C1orf141: variants seen among roughly 807,000 people sequenced by gnomAD.
C1orf141 encodes chromosome 1 open reading frame 141, also known as uncharacterized protein C1orf141.
C1orf141 carries 19 observed loss-of-function variants against 23.2 expected under a neutral mutation model. The ratio of observed to expected loss-of-function variants is 0.82; its 90% confidence interval spans 0.57 to 1.20. The LOEUF (loss-of-function observed/expected upper bound fraction) is 1.20. Among genes scored for constraint, C1orf141 ranks in the 50% most tolerant of loss-of-function variants. C1orf141 has a pLI of 0.00. For synonymous variants in C1orf141, 153 were observed against 154.6 expected (o/e 0.99, Z 0.08); for missense variants, 469 against 455.1 (o/e 1.03, Z -0.28).
rs1296118207 is a variant in C1orf141 at position 67,095,353 on chromosome 1, C to T, written c.485G>A (p.Ser162Asn). The T allele has an allele frequency of 4.4e-6, 7 of 1,575,074 alleles. No homozygotes were observed. Among genetic ancestry groups the T allele is most frequent in the Non-Finnish European group, 6.1e-6 (7 of 1,153,698 alleles). ...TTTCTTTCTTACTGACCTATACTTA[C>T]TTAATTGATAATTTCTGACCGATTT... ...ENKSVRNYQLSKYRSVRKKSL... is the reference protein window; with the variant it reads ...ENKSVRNYQLNKYRSVRKKSL... Residue 162 changes from serine to asparagine, a missense_variant, in exon 7 of 8, where the codon AGT becomes AAT. This residue lies in a region of C1orf141 where 370 missense variants were observed against 348.1 expected (regional missense o/e 1.06). Coordinates refer to ENST00000684719, the MANE Select transcript of C1orf141 (RefSeq NM_001276351.2).
intron 4 of C1orf141, among the ~76,000 whole-genome samples, chr1:67,124,506 A>G (rs112831245): frequency 6.6e-6 from 1 of 152,054 alleles, no homozygotes; most frequent in Non-Finnish European, 1.5e-5. Flanking sequence ...TTTAGTAGAG[A>G]CAGGGTTTCA....
chr1:67,115,417 T>A lies in C1orf141; in HGVS notation c.281A>T (p.Glu94Val). 6.6e-7 allele frequency: 1 copy of A among 1,510,382 alleles called. No individual in the cohort carries two copies. The highest frequency in any genetic ancestry group is 1.2e-5 in the South Asian group (1 of 82,234). The allele number at this position is 1,510,382 out of a possible 1,614,324, so 93.6% of individuals were successfully genotyped here. ...AAAGAATGGTCTTAAATTTGACTTT[T>A]CAAAATTACTCTTTCTAGGTTCAGG... ...CEPEPRKSNF[E>V]KSNLRPFFIQ... is the part of the protein sequence containing the mutation. The change falls in exon 5 of 8, where the codon GAA (glutamate) becomes GTA (valine). Residue 94 changes from glutamate to valine, a missense_variant. Transcript: ENST00000684719.
Position 67,096,313 on chromosome 1 carries a change from C to A in C1orf141, c.355G>T (p.Glu119Ter). 6.6e-7 allele frequency: 1 copy of A among 1,508,644 alleles called. No homozygotes were observed. The highest frequency in any genetic ancestry group is 9.0e-7 in the Non-Finnish European group (1 of 1,107,732). The allele number at this position is 1,508,644 out of a possible 1,614,324, so 93.5% of individuals were successfully genotyped here. The change falls in exon 6 of 8, where the codon GAA becomes TAA. Residue 119 changes from glutamate to a stop codon, truncating the protein, a stop_gained. Coordinates refer to ENST00000684719, the MANE Select transcript of C1orf141 (RefSeq NM_001276351.2). LOFTEE classifies it high-confidence loss of function. ...TCCAATGGTTTCCTAGGTTTTTTTT[C>A]AATTTGAGCTGAAATTTTAAAAGAT... ...NKESESTAQI[E>*]KKPRKPLDSV...
At chr1:67,096,430 G>A in intron 5 of C1orf141, 109 bp from the exon 6 acceptor site, 5 of 598,762 alleles carry the variant, frequency 8.4e-6, no homozygotes, top group Middle Eastern at 3.0e-4. Flanking sequence ...AAAGTACCTA[G>A]TATAGTGCCT....
At chr1:67,099,586 C>T (rs951165327) in intron 5 of C1orf141, among the ~76,000 whole-genome samples, 1 of 152,110 alleles carries the variant, frequency 6.6e-6, no homozygotes, top group Non-Finnish European at 1.5e-5. Flanking sequence ...TTGAGAGCAG[C>T]CTGACCAATA....
chr1:67,100,047 C>T (rs1645763400), intron 5 of C1orf141, among the ~76,000 whole-genome samples: 1 of 151,968 alleles, frequency 6.6e-6, no homozygotes, highest in Non-Finnish European at 1.5e-5. Flanking sequence ...AATTTACGTA[C>T]AATAAAATAC....
chr1:67,107,980 C>A (rs1645971045), intron 5 of C1orf141, among the ~76,000 whole-genome samples: 1 of 152,084 alleles, frequency 6.6e-6, no homozygotes, highest in Non-Finnish European at 1.5e-5. Context: ...GCCCTCATAT[C>A]CTAAAGTAAG....
In C1orf141 at chr1:67,125,928, GAAAAAAAA is replaced by G. The variant is rs11336462; in HGVS notation, c.76-27_76-20del. On this transcript the variant is annotated intron_variant, in intron 3 of 7. Transcript: ENST00000684719. ...TGTTTATCTGCAGCAATGCCAAAGT[GAAAAAAAA>G]AAAAAAAAAAAGAGTACTTTTTATA... 9.3e-6 allele frequency: 11 copies of G among 1,183,534 alleles called. No homozygotes were observed. Among genetic ancestry groups the G allele is most frequent in the Admixed American group, 3.9e-5 (1 of 25,360 alleles). 73.3% of individuals were successfully genotyped at this position (1,183,534 alleles called of 1,614,324 possible).
intron 2 of C1orf141, among the ~76,000 whole-genome samples, chr1:67,127,543 A>G (rs1321805356): frequency 6.6e-6 from 1 of 152,190 alleles, no homozygotes; most frequent in Non-Finnish European, 1.5e-5. Context: ...TGTGACTTAT[A>G]CTTGAAGCAA....
intron 5 of C1orf141, among the ~76,000 whole-genome samples, chr1:67,113,018 C>CG (rs1646110346): frequency 6.6e-6 from 1 of 152,122 alleles, no homozygotes; most frequent in Admixed American, 6.5e-5. Flanking sequence ...CTTGCTCTGT[C>CG]GCCCAGGCTG....
Position 67,134,699 on chromosome 1 carries a change from G to A in C1orf141, c.-104+231C>T, listed in dbSNP as rs1558210449. ...TAATATTTAGTTTAGAAGATGCAAA[G>A]GGTTCTTCCGCGAACCTGGAAGAGC... On this transcript the variant is annotated intron_variant, in intron 1 of 7. Transcript: ENST00000684719. Among the ~76,000 whole-genome samples, 7 of 152,236 alleles carry A rather than the reference G, an allele frequency of 4.6e-5. No individual in the cohort carries two copies. In the South Asian group the frequency reaches 1.5e-3, roughly 32 times the overall value.
intron 5 of C1orf141, among the ~76,000 whole-genome samples, chr1:67,099,455 C>T (rs1464949711): frequency 6.6e-6 from 1 of 151,900 alleles, no homozygotes; most frequent in Non-Finnish European, 1.5e-5. Flanking sequence ...GAAAGAATGA[C>T]TAACACATGC....
intron 5 of C1orf141, among the ~76,000 whole-genome samples, chr1:67,099,035 G>C (rs1017963960): frequency 2.0e-5 from 3 of 152,102 alleles, no homozygotes; most frequent in Admixed American, 1.3e-4. Flanking sequence ...AATAGCTTTG[G>C]AAGAAGAAAA....
chr1:67,125,655 C>A lies in C1orf141; in HGVS notation c.233+97G>T. On this transcript the variant is annotated intron_variant, in intron 4 of 7. Coordinates refer to ENST00000684719, the MANE Select transcript of C1orf141 (RefSeq NM_001276351.2). ...TTGAGGCTGCAGTGAGCCATGTTTG[C>A]ACCACTGCACTCTACCCTAGGCAAT... 7.7e-6 allele frequency: 9 copies of A among 1,174,228 alleles called. No individual in the cohort carries two copies. The East Asian group carries it at 2.1e-4, about 28-fold the overall frequency. 72.7% of individuals were successfully genotyped at this position (1,174,228 alleles called of 1,614,324 possible). A position where few individuals can be genotyped will look rare whatever the true frequency, so the allele number is the denominator to read the frequency against.
chr1:67,120,264 A>G (rs74081718), intron 4 of C1orf141, among the ~76,000 whole-genome samples: 4,501 of 152,226 alleles, frequency 0.03, 202 homozygotes, highest in African/African-American at 0.1. Context: ...TTGCCTTCAC[A>G]GGTTCACAAC....
intron 5 of C1orf141, chr1:67,111,477 AAATTCACTTGAAT>A (rs1646070704): frequency 8.5e-6 from 4 of 469,704 alleles, no homozygotes; most frequent in Non-Finnish European, 1.5e-5. Context: ...TTGAATCCTA[AAATTCACTTGAAT>A]TTTGGATTTG....
At chr1:67,099,160 C>G (rs982150419) in intron 5 of C1orf141, among the ~76,000 whole-genome samples, 1 of 152,068 alleles carries the variant, frequency 6.6e-6, no homozygotes, top group Non-Finnish European at 1.5e-5. Flanking sequence ...TATCCAGATA[C>G]TTTGTACTAA....
upstream of C1orf141, among the ~76,000 whole-genome samples, chr1:67,137,845 C>T (rs1271213597): frequency 6.6e-6 from 1 of 152,190 alleles, no homozygotes; most frequent in Non-Finnish European, 1.5e-5. Context: ...AAAATTTGTA[C>T]TTAATCATCC....
chr1:67,139,438 A>G (rs1295349609), upstream of C1orf141, among the ~76,000 whole-genome samples: 1 of 152,198 alleles, frequency 6.6e-6, no homozygotes, highest in East Asian at 1.9e-4. Context: ...TCCACACAAC[A>G]TAGCTCAAAA....
Sources: gnomAD v4.1 joint callset for allele counts (sites outside exome capture counted in the v4.1 genomes callset) on GRCh38, gnomAD v4.1.1 for gene constraint, gnomAD v4.1.1 regional missense constraint, MANE v1.5 for transcripts, NCBI Gene and HGNC (gene_info 2026-07-23, HGNC 2026-07-21) for gene names.